Variants in MXI1 observed in about 807,000 individuals in gnomAD.
The protein encoded by MXI1 is max-interacting protein 1.
Under a neutral mutation model 36.9 loss-of-function variants are expected in MXI1, and 18 were observed. The ratio of observed to expected loss-of-function variants is 0.49; its 90% CI spans 0.34 to 0.72. The LOEUF (loss-of-function observed/expected upper bound fraction) is 0.72. Ranked by LOEUF, MXI1 falls within the 30% of genes least tolerant of loss-of-function variation. The pLI is 0.01. For synonymous variants in MXI1, 160 were observed against 146.7 expected (o/e 1.09, Z -0.65); for missense variants, 304 against 379.1 (o/e 0.80, Z 1.64).
At chr10:110,270,480 TC>T (rs1396773903) in intron 3 of MXI1, among the ~76,000 whole-genome samples, 1 of 152,032 alleles carries the variant, frequency 6.6e-6, no homozygotes, top group Non-Finnish European at 1.5e-5. Flanking sequence ...AATGAAGTCT[TC>T]CTTAGACATG....
At chr10:110,230,916 G>C (rs147955594) in intron 2 of MXI1, among the ~76,000 whole-genome samples, 2 of 152,338 alleles carry the variant, frequency 1.3e-5, no homozygotes, top group South Asian at 4.1e-4. Flanking sequence ...AGCTACTAGT[G>C]TGGAAGTAGC....
At position 110,257,858 on chromosome 10, in the gene MXI1, AAAAC is replaced by A. The variant is rs199552647; in HGVS notation, c.437+13017_437+13020del. On this transcript the variant is annotated intron_variant, in intron 3 of 5. Coordinates refer to ENST00000332674, the MANE Select transcript of MXI1 (RefSeq NM_130439.3). ...AATTCATGGCATAATAGGTGTTTAA[AAAAC>A]AAACAAACAAACAAAAAACAAAAAC... 3.4e-3 allele frequency: 1,106 copies of A among 323,370 alleles called. 9 individuals carry two copies. Among genetic ancestry groups the A allele is most frequent in the African/African-American group, 0.015 (683 of 45,088 alleles). 20.0% of individuals were successfully genotyped at this position (323,370 alleles called of 1,614,324 possible). A position where few individuals can be genotyped will look rare whatever the true frequency, so the allele number is the denominator to read the frequency against.
intron 5 of MXI1, among the ~76,000 whole-genome samples, chr10:110,280,567 C>A (rs1857204694): frequency 6.6e-6 from 1 of 151,754 alleles, no homozygotes; most frequent in African/African-American, 2.4e-5. Flanking sequence ...GTAGTCCTAG[C>A]TACTCGGGAG....
intron 2 of MXI1, among the ~76,000 whole-genome samples, chr10:110,230,548 A>G (rs1016465251): frequency 2.6e-5 from 4 of 152,192 alleles, no homozygotes; most frequent in African/African-American, 9.7e-5. Context: ...AGATCCACCA[A>G]TGTGTGGGTT....
chr10:110,227,813 ACT>A, intron 1 of MXI1: 1 of 221,330 alleles, frequency 4.5e-6, no homozygotes, highest in East Asian at 1.0e-4. Context: ...GCTTAAAGAG[ACT>A]CTTTAGAACA....
intron 3 of MXI1, among the ~76,000 whole-genome samples, chr10:110,277,089 A>C (rs1037367775): frequency 6.6e-6 from 1 of 151,994 alleles, no homozygotes; most frequent in South Asian, 2.1e-4. Context: ...CAGTCTGCCC[A>C]CCTTGGCCTC....
rs754635260 is a variant in MXI1, at chr10:110,211,590, A to G, written c.274+3508A>G. 9.6e-4 allele frequency among the ~76,000 whole-genome samples: 146 copies of G among 152,142 alleles called. 2 individuals are homozygous for G. Among genetic ancestry groups the G allele is most frequent in the Non-Finnish European group, 2.5e-4 (17 of 68,018 alleles). ...TTGGCAGGAGCTTGCCTTATTTTCC[A>G]TCGTAGCCAGAACTGCTTTTCGTTC... On this transcript the variant is annotated intron_variant, in intron 1 of 5. Coordinates refer to ENST00000332674, the MANE Select transcript of MXI1 (RefSeq NM_130439.3).
At chr10:110,275,279 A>G (rs966731428) in intron 3 of MXI1, among the ~76,000 whole-genome samples, 1 of 152,084 alleles carries the variant, frequency 6.6e-6, no homozygotes, top group African/African-American at 2.4e-5. Flanking sequence ...AGCCTCATAC[A>G]GGAGGCTCTT....
chr10:110,227,237 CGCG>C, intron 1 of MXI1: 1 of 583,510 alleles, frequency 1.7e-6, no homozygotes, highest in Non-Finnish European at 2.0e-6. Flanking sequence ...AGGGATGGTG[CGCG>C]GGGGGGAGGG....
intron 5 of MXI1, 44 bp downstream of exon 5, chr10:110,280,129 G>T: frequency 6.7e-7 from 1 of 1,498,806 alleles, no homozygotes. Flanking sequence ...AAACATCTCT[G>T]TATCTGGATT....
intron 5 of MXI1, 31 bp from the exon 6 acceptor site, chr10:110,284,790 TTAA>T (rs1322769632): frequency 1.4e-6 from 2 of 1,415,390 alleles, no homozygotes. Context: ...TACTCGATAA[TTAA>T]TGTTCTTCTT....
At chr10:110,233,069 T>G (rs1215703421) in intron 2 of MXI1, among the ~76,000 whole-genome samples, 1 of 152,178 alleles carries the variant, frequency 6.6e-6, no homozygotes, top group Non-Finnish European at 1.5e-5. Context: ...ATCTGGGAAG[T>G]AGTAAATAGC....
At chr10:110,211,743 T>G (rs1199170209) in intron 1 of MXI1, among the ~76,000 whole-genome samples, 1 of 152,210 alleles carries the variant, frequency 6.6e-6, no homozygotes, top group African/African-American at 2.4e-5. Flanking sequence ...GACTGTCTGC[T>G]GTGTGCAAGG....
intron 1 of MXI1, among the ~76,000 whole-genome samples, chr10:110,214,067 G>A (rs1402294925): frequency 6.6e-6 from 1 of 152,210 alleles, no homozygotes; most frequent in Non-Finnish European, 1.5e-5. Flanking sequence ...TTTGCCCAAA[G>A]GATATATAGC....
chr10:110,247,883 GAC>G (rs765643350), intron 3 of MXI1, among the ~76,000 whole-genome samples: 2 of 152,156 alleles, frequency 1.3e-5, no homozygotes, highest in Non-Finnish European at 2.9e-5. Flanking sequence ...CTGCTATAAA[GAC>G]ACATGCACAC....
intron 4 of MXI1, 39 bp downstream of exon 4, chr10:110,279,333 G>T (rs201514230): frequency 2.6e-4 from 402 of 1,543,226 alleles, no homozygotes; most frequent in Middle Eastern, 1.7e-3. Context: ...AATTCCCTCA[G>T]TTCTGGTTTA....
Position 110,207,803 on chromosome 10 carries a change from T to A in MXI1, c.-6T>A, listed in dbSNP as rs1198656451. On this transcript the variant is annotated 5_prime_UTR_variant, in exon 1 of 6. Coordinates refer to ENST00000332674, the MANE Select transcript of MXI1 (RefSeq NM_130439.3). ...GAGGACGAGCTCGGCGGACCCCCGC[T>A]CCTCCATGGGCAAACGCGGGCGGCC... The A allele has an allele frequency of 1.8e-6, 2 of 1,124,422 alleles. No individual in the cohort carries two copies. The highest frequency in any genetic ancestry group is 3.4e-5 in the African/African-American group (2 of 59,388). The allele number at this position is 1,124,422 out of a possible 1,614,324, so 69.7% of individuals were successfully genotyped here.
chr10:110,236,869 A>G (rs368919666), intron 2 of MXI1, among the ~76,000 whole-genome samples: 1 of 152,342 alleles, frequency 6.6e-6, no homozygotes, highest in East Asian at 1.9e-4. Flanking sequence ...GGGAAACCCA[A>G]CATGTATTAA....
chr10:110,260,418 TG>T (rs1856468465), intron 3 of MXI1, among the ~76,000 whole-genome samples: 1 of 6,694 alleles, frequency 1.5e-4, no homozygotes, highest in Admixed American at 3.0e-3. Context: ...TTGATACAGG[TG>T]TGTGTGTGTG....
Sources: gnomAD v4.1 joint callset for allele counts (sites outside exome capture counted in the v4.1 genomes callset) on GRCh38, gnomAD v4.1.1 for gene constraint, MANE v1.5 for transcripts, NCBI Gene and HGNC (gene_info 2026-07-23, HGNC 2026-07-21) for gene names.